The following PREX2 variants were observed in gnomAD, a reference collection of about 807,000 sequenced individuals.
PREX2 encodes the protein phosphatidylinositol-3,4,5-trisphosphate dependent Rac exchange factor 2, also known as phosphatidylinositol 3,4,5-trisphosphate-dependent Rac exchanger 2 protein.
In PREX2, 107 loss-of-function variants were observed where a neutral mutation model predicts 203.2. The ratio of observed to expected loss-of-function variants is 0.53; its 90% CI spans 0.45 to 0.62. PREX2 has a LOEUF of 0.62. PREX2 is among the 20% of genes least tolerant of loss of function. The probability of loss-of-function intolerance (pLI) is 0.00; values close to 1 mark genes in which losing one functional copy is unlikely to be tolerated. For missense variants in PREX2, 1,777 were observed against 1,955.9 expected, an observed-to-expected ratio of 0.91 and a Z score of 1.72; for synonymous variants, 672 against 663.6, an observed-to-expected ratio of 1.01 and a Z score of -0.19.
At chr8:67,975,143 CA>C (rs755880924) in intron 1 of PREX2, among the ~76,000 whole-genome samples, 5 of 152,136 alleles carry the variant, frequency 3.3e-5, no homozygotes, top group Non-Finnish European at 5.9e-5. Flanking sequence ...CTCGCTTTCT[CA>C]AAACTGTAGC....
chr8:67,970,363 A>T (rs1241914343), intron 1 of PREX2, among the ~76,000 whole-genome samples: 1 of 152,244 alleles, frequency 6.6e-6, no homozygotes, highest in Non-Finnish European at 1.5e-5. Context: ...AATGAGAACT[A>T]TTCCTATTCA....
At chr8:68,038,033 T>A in intron 6 of PREX2, 126 bp from the exon 7 acceptor site, 1 of 973,956 alleles carries the variant, frequency 1.0e-6, no homozygotes, top group South Asian at 1.6e-5. Context: ...CTCTACTGCT[T>A]GCACTTTAGC....
chr8:68,206,984 A>G (rs1363474021), intron 37 of PREX2, among the ~76,000 whole-genome samples: 4 of 152,214 alleles, frequency 2.6e-5, no homozygotes, highest in Non-Finnish European at 5.9e-5. Flanking sequence ...TCAAACTACA[A>G]TGGAGAGGAA....
intron 32 of PREX2, among the ~76,000 whole-genome samples, chr8:68,134,847 G>A (rs1811081524): frequency 6.6e-6 from 1 of 152,166 alleles, no homozygotes; most frequent in African/African-American, 2.4e-5. Flanking sequence ...TTTCCACAGT[G>A]GATATGATGA....
intron 1 of PREX2, among the ~76,000 whole-genome samples, chr8:67,959,986 G>C (rs1395192299): frequency 2.0e-5 from 3 of 152,100 alleles, no homozygotes; most frequent in African/African-American, 7.2e-5. Flanking sequence ...ATCAGCTTCT[G>C]TAGGTAAAGT....
At chr8:67,963,914 G>A (rs1409241715) in intron 1 of PREX2, among the ~76,000 whole-genome samples, 1 of 152,058 alleles carries the variant, frequency 6.6e-6, no homozygotes, top group Admixed American at 6.5e-5. Flanking sequence ...TTCCAGTGGG[G>A]TTAGCCGCTC....
chr8:68,086,045 T>C (rs1585773569), intron 18 of PREX2, among the ~76,000 whole-genome samples: 1 of 152,188 alleles, frequency 6.6e-6, no homozygotes, highest in Non-Finnish European at 1.5e-5. Flanking sequence ...TTATCTTTCA[T>C]TTTCAAGTGA....
Position 68,079,500 on chromosome 8 carries a change from C to G in PREX2, c.1643-943C>G, listed in dbSNP as rs527476821. ...AAACTCAGAGGGATTAAGTAACTTT[C>G]TTATCTCATTTCCAGACCTGGAAGT... On this transcript the variant is annotated intron_variant, in intron 15 of 39. Transcript: ENST00000288368. 2.6e-5 allele frequency among the ~76,000 whole-genome samples: 4 copies of G among 152,302 alleles called. No homozygotes were observed. The East Asian group carries it at 7.7e-4, about 29-fold the overall frequency.
chr8:68,135,639 G>T (rs1182803987), intron 32 of PREX2, among the ~76,000 whole-genome samples: 1 of 152,120 alleles, frequency 6.6e-6, no homozygotes, highest in East Asian at 1.9e-4. Flanking sequence ...GTGGGAAGTG[G>T]CACAGCCATT....
intron 35 of PREX2, among the ~76,000 whole-genome samples, chr8:68,181,134 G>T (rs1226402278): frequency 1.3e-5 from 2 of 152,070 alleles, no homozygotes; most frequent in Admixed American, 6.6e-5. Context: ...AGCTTAAGGC[G>T]ATAAACATGA....
At chr8:68,061,537 C>T (rs1167884599) in intron 11 of PREX2, among the ~76,000 whole-genome samples, 1 of 152,142 alleles carries the variant, frequency 6.6e-6, no homozygotes, top group Non-Finnish European at 1.5e-5. Flanking sequence ...GGTCTGCCTC[C>T]GTGGGCATGA....
chr8:68,130,501 C>T (rs1186296856), intron 31 of PREX2, among the ~76,000 whole-genome samples: 2 of 152,106 alleles, frequency 1.3e-5, no homozygotes, highest in African/African-American at 4.8e-5. Flanking sequence ...GTGCCAGACA[C>T]GGTGCTAGAT....
intron 35 of PREX2, among the ~76,000 whole-genome samples, chr8:68,164,585 CTTT>C (rs755033458): frequency 7.4e-6 from 1 of 135,262 alleles, no homozygotes. Flanking sequence ...TTTCTTTTTT[CTTT>C]TTTTTTTTTT....
intron 37 of PREX2, among the ~76,000 whole-genome samples, chr8:68,215,402 G>C (rs1204771997): frequency 6.6e-6 from 1 of 152,070 alleles, no homozygotes; most frequent in East Asian, 1.9e-4. Flanking sequence ...CATTCAGCTG[G>C]TGTAATGAAC....
intron 1 of PREX2, among the ~76,000 whole-genome samples, chr8:67,956,258 G>A (rs1487994488): frequency 6.6e-6 from 1 of 152,192 alleles, no homozygotes; most frequent in Non-Finnish European, 1.5e-5. Flanking sequence ...CCTGTTTCCT[G>A]TTTGCAAACC....
intron 35 of PREX2, among the ~76,000 whole-genome samples, chr8:68,169,514 A>T (rs541605057): frequency 6.6e-6 from 1 of 152,100 alleles, no homozygotes; most frequent in Non-Finnish European, 1.5e-5. Context: ...GATAACCACA[A>T]TACCTACCAA....
At position 67,976,507 on chromosome 8, in the gene PREX2, G is replaced by C. The variant is rs1437606557; in HGVS notation, c.141+23972G>C. Among the ~76,000 whole-genome samples, 39 of 89,668 alleles carry C rather than the reference G, an allele frequency of 4.3e-4. 5 individuals carry two copies. The highest frequency in any genetic ancestry group is 5.0e-5 in the Non-Finnish European group (2 of 40,316). The allele number at this position is 89,668 out of a possible 152,430, so 58.8% of individuals were successfully genotyped here. On this transcript the variant is annotated intron_variant, in intron 1 of 39. Coordinates refer to ENST00000288368, the MANE Select transcript of PREX2 (RefSeq NM_024870.4). Reference sequence around the variant, plus strand: ...GAGAGGGGAGAGAGACAGAGAGAGGGACAGACAGAGACAGAGACAGAGAGA... The same window carrying C: ...GAGAGGGGAGAGAGACAGAGAGAGGCACAGACAGAGACAGAGACAGAGAGA...
chr8:68,154,838 T>G (rs1394460330), intron 34 of PREX2, among the ~76,000 whole-genome samples: 1 of 152,138 alleles, frequency 6.6e-6, no homozygotes, highest in Non-Finnish European at 1.5e-5. Flanking sequence ...ACCCAATAAT[T>G]CAGTGAGGTC....
At chr8:68,036,133 G>T (rs1808023023) in intron 6 of PREX2, among the ~76,000 whole-genome samples, 1 of 152,078 alleles carries the variant, frequency 6.6e-6, no homozygotes, top group African/African-American at 2.4e-5. Flanking sequence ...ATTAGCAAGG[G>T]GCTTGAGAGT....
Sources: gnomAD v4.1 joint callset for allele counts (sites outside exome capture counted in the v4.1 genomes callset) on GRCh38, gnomAD v4.1.1 for gene constraint, MANE v1.5 for transcripts, NCBI Gene and HGNC (gene_info 2026-07-23, HGNC 2026-07-21) for gene names.